CWF19L2: variants seen among roughly 807,000 people sequenced by gnomAD.
CWF19L2 encodes CWF19 like cell cycle control factor 2.
In CWF19L2, 98 loss-of-function variants were observed where a neutral mutation model predicts 111.7. That is an observed-to-expected ratio of 0.88 (90% CI 0.75 to 1.04). The LOEUF (loss-of-function observed/expected upper bound fraction) is 1.04, where lower values mean the gene tolerates loss of function less well. Ranked by LOEUF, CWF19L2 falls within the 50% of genes least tolerant of loss-of-function variation. CWF19L2 has a pLI of 0.00. For synonymous variants in CWF19L2, 351 were observed against 342.9 expected (o/e 1.02, Z -0.26); for missense variants, 1,101 against 1,051.4 (o/e 1.05, Z -0.65).
chr11:107,446,411 C>T (rs1196737696), intron 3 of CWF19L2, among the ~76,000 whole-genome samples: 1 of 152,228 alleles, frequency 6.6e-6, no homozygotes, highest in Non-Finnish European at 1.5e-5. Context: ...CTTTATTTGC[C>T]TAATGCTTAC....
Position 107,374,245 on chromosome 11 carries a change from G to C in CWF19L2, c.1872+15829C>G, listed in dbSNP as rs9667710. ...CCCCAAACTAGCAAGGCAGGCCAAC[G>C]TTCAGATTCAGGAAATACAGAGAAC... On this transcript the variant is annotated intron_variant, in intron 12 of 17. Coordinates refer to ENST00000282251, the MANE Select transcript of CWF19L2 (RefSeq NM_152434.3). 2.5e-5 allele frequency among the ~76,000 whole-genome samples: 3 copies of C among 122,436 alleles called. 1 individual carries two copies. The highest frequency in any genetic ancestry group is 2.3e-4 in the Admixed American group (3 of 12,784). The allele number at this position is 122,436 out of a possible 152,430, so 80.3% of individuals were successfully genotyped here.
intron 11 of CWF19L2, 104 bp from the exon 12 acceptor site, chr11:107,390,315 T>A: frequency 1.0e-6 from 1 of 953,686 alleles, no homozygotes; most frequent in Non-Finnish European, 1.5e-6. Flanking sequence ...AATCCCACTA[T>A]GTAATCACAA....
intron 2 of CWF19L2, among the ~76,000 whole-genome samples, chr11:107,455,356 T>A (rs77790891): frequency 0.015 from 2,348 of 152,000 alleles, 109 homozygotes; most frequent in East Asian, 0.092. Flanking sequence ...CCTAAAAAAA[T>A]AAAATAAAAT....
intron 10 of CWF19L2, among the ~76,000 whole-genome samples, chr11:107,409,320 T>C (rs1050941007): frequency 2.6e-5 from 4 of 152,244 alleles, no homozygotes; most frequent in African/African-American, 9.6e-5. Flanking sequence ...TATTTATTAA[T>C]GTTTCTCTAT....
intron 12 of CWF19L2, among the ~76,000 whole-genome samples, chr11:107,383,876 C>T (rs527816234): frequency 6.6e-6 from 1 of 152,316 alleles, no homozygotes; most frequent in South Asian, 2.1e-4. Context: ...CCTGTGCCCC[C>T]AGTTTAAATT....
chr11:107,427,284 T>C (rs77087451), intron 8 of CWF19L2, among the ~76,000 whole-genome samples: 1,974 of 152,050 alleles, frequency 0.013, 25 homozygotes, highest in South Asian at 0.039. Context: ...ACAGAATTCA[T>C]AGAAAGCCTC....
chr11:107,449,894 C>T (rs1861754350), intron 3 of CWF19L2, among the ~76,000 whole-genome samples: 1 of 151,996 alleles, frequency 6.6e-6, no homozygotes, highest in Non-Finnish European at 1.5e-5. Flanking sequence ...CAGTACTATT[C>T]AAAGAATTTT....
intron 6 of CWF19L2, among the ~76,000 whole-genome samples, 146 bp downstream of exon 6, chr11:107,438,921 TCCCAACTACTTGGGAGGCTGAGG>T (rs1358978348): frequency 6.7e-6 from 1 of 149,386 alleles, no homozygotes; most frequent in Non-Finnish European, 1.5e-5. Flanking sequence ...GCACCTGTAA[TCCCAACTACTTGGGAGGCTGAGG>T]TGGGAGGATC....
intron 12 of CWF19L2, among the ~76,000 whole-genome samples, chr11:107,367,547 AATC>A (rs1186452311): frequency 7.6e-6 from 1 of 131,172 alleles, no homozygotes; most frequent in African/African-American, 3.1e-5. Context: ...TGAAATCGGA[AATC>A]ATCATTCTCA....
At chr11:107,399,106 G>A (rs1464394616) in intron 10 of CWF19L2, among the ~76,000 whole-genome samples, 1 of 152,066 alleles carries the variant, frequency 6.6e-6, no homozygotes, top group Non-Finnish European at 1.5e-5. Flanking sequence ...CCTCTTTAAA[G>A]CATAAATTAC....
intron 10 of CWF19L2, among the ~76,000 whole-genome samples, chr11:107,406,050 G>A (rs1861073016): frequency 6.6e-6 from 1 of 152,144 alleles, no homozygotes; most frequent in Non-Finnish European, 1.5e-5. Flanking sequence ...TCTGGAAAAA[G>A]CTCACGACAT....
At chr11:107,422,331 T>C (rs1283604697) in intron 8 of CWF19L2, among the ~76,000 whole-genome samples, 6 of 152,024 alleles carry the variant, frequency 3.9e-5, no homozygotes, top group Non-Finnish European at 8.8e-5. Context: ...TGTGCGACTT[T>C]GGAATACTTG....
In CWF19L2 at chr11:107,380,046, C is replaced by CAAAAAAAAAA. The variant is rs66699460; in HGVS notation, c.1872+10018_1872+10027dup. Among the ~76,000 whole-genome samples, 190 of 34,486 alleles carry CAAAAAAAAAA rather than the reference C, an allele frequency of 5.5e-3. 27 individuals are homozygous for CAAAAAAAAAA. The highest frequency in any genetic ancestry group is 8.4e-3 in the Non-Finnish European group (164 of 19,580). 22.6% of individuals were successfully genotyped at this position (34,486 alleles called of 152,430 possible). ...TGGGCGACAGAGCGAGACACCGTCT[C>CAAAAAAAAAA]AAAAAAAAAAAAAAAAAAAAAAAAA... On this transcript the variant is annotated intron_variant, in intron 12 of 17. Coordinates refer to ENST00000282251, the MANE Select transcript of CWF19L2 (RefSeq NM_152434.3).
chr11:107,367,231 A>G (rs1591166341), intron 12 of CWF19L2, among the ~76,000 whole-genome samples: 1 of 133,268 alleles, frequency 7.5e-6, no homozygotes, highest in African/African-American at 3.0e-5. Context: ...TGTTGGTGGG[A>G]CTGTCAACTA....
At chr11:107,425,179 AACACACACACACACACAC>A (rs138792527) in intron 8 of CWF19L2, among the ~76,000 whole-genome samples, 2 of 144,842 alleles carry the variant, frequency 1.4e-5, no homozygotes, top group African/African-American at 2.5e-5. Flanking sequence ...CTCTCTTTGA[AACACACACACACACACAC>A]ACACACACAC....
At chr11:107,408,964 T>C (rs1861119309) in intron 10 of CWF19L2, among the ~76,000 whole-genome samples, 1 of 152,044 alleles carries the variant, frequency 6.6e-6, no homozygotes, top group East Asian at 1.9e-4. Context: ...AAGTATTCAT[T>C]GAGTAAAGGT....
In CWF19L2 at chr11:107,455,519, A is replaced by G. The variant is rs1861841195; in HGVS notation, c.216+147T>C. ...TTACAATATCTTACCTCTGCCAAAG[A>G]GATGAAACTATTCAGCAATGCCAAC... On this transcript the variant is annotated intron_variant, in intron 2 of 17. Transcript: ENST00000282251. 9.9e-6 allele frequency: 5 copies of G among 505,504 alleles called. No individual in the cohort carries two copies. In the South Asian group the frequency reaches 1.0e-4, roughly 10 times the overall value. The allele number at this position is 505,504 out of a possible 1,614,324, so 31.3% of individuals were successfully genotyped here. A position where few individuals can be genotyped will look rare whatever the true frequency, so the allele number is the denominator to read the frequency against.
At chr11:107,429,973 T>C (rs996028726) in intron 7 of CWF19L2, among the ~76,000 whole-genome samples, 1 of 151,938 alleles carries the variant, frequency 6.6e-6, no homozygotes, top group African/African-American at 2.4e-5. Flanking sequence ...AGTAAATAAA[T>C]GTAAGTTATA....
At chr11:107,350,430 G>T (rs1860141313) in intron 13 of CWF19L2, among the ~76,000 whole-genome samples, 1 of 152,256 alleles carries the variant, frequency 6.6e-6, no homozygotes, top group African/African-American at 2.4e-5. Context: ...GAGCCCTTAT[G>T]AATGGGATTA....
Sources: allele counts gnomAD v4.1 joint callset (sites outside exome capture counted in the v4.1 genomes callset), GRCh38; gene constraint gnomAD v4.1.1; transcripts MANE v1.5; gene names NCBI Gene and HGNC (gene_info 2026-07-23, HGNC 2026-07-21).